Variants in KHDRBS3 observed in about 807,000 individuals in gnomAD.
The protein encoded by KHDRBS3 is KH domain-containing, RNA-binding, signal transduction-associated protein 3.
Under a neutral mutation model 45.6 loss-of-function variants are expected in KHDRBS3, and 23 were observed. The ratio of observed to expected loss-of-function variants is 0.50; its 90% confidence interval spans 0.36 to 0.72. The LOEUF is 0.72. Among genes scored for constraint, KHDRBS3 ranks in the 30% least tolerant of loss-of-function variants. KHDRBS3 has a pLI of 0.00. For synonymous variants in KHDRBS3, 162 were observed against 156.5 expected, an observed-to-expected ratio of 1.04 and a Z score of -0.26; for missense variants, 352 against 424.8, an observed-to-expected ratio of 0.83 and a Z score of 1.51.
chr8:135,464,389 A>G (rs1821591557), intron 1 of KHDRBS3, among the ~76,000 whole-genome samples: 1 of 152,236 alleles, frequency 6.6e-6, no homozygotes, highest in South Asian at 2.1e-4. Flanking sequence ...AATATTCCAT[A>G]TAGAAAGCCA....
intron 7 of KHDRBS3, among the ~76,000 whole-genome samples, chr8:135,617,556 G>C (rs1158079720): frequency 1.3e-5 from 2 of 152,104 alleles, no homozygotes; most frequent in Non-Finnish European, 2.9e-5. Context: ...GGGATTATAG[G>C]CGTGAGCCAC....
intron 7 of KHDRBS3, among the ~76,000 whole-genome samples, chr8:135,619,272 TA>T (rs1467568056): frequency 6.6e-6 from 1 of 152,222 alleles, no homozygotes; most frequent in Non-Finnish European, 1.5e-5. Context: ...GTTTATAAAA[TA>T]GAAGTATTTC....
At chr8:135,627,584 T>G (rs1830427844) in intron 7 of KHDRBS3, among the ~76,000 whole-genome samples, 1 of 152,198 alleles carries the variant, frequency 6.6e-6, no homozygotes, top group Non-Finnish European at 1.5e-5. Context: ...AAATTAGGGA[T>G]TTTTCTTTTA....
intron 1 of KHDRBS3, among the ~76,000 whole-genome samples, chr8:135,470,866 G>A (rs1007364034): frequency 2.6e-5 from 4 of 152,242 alleles, no homozygotes; most frequent in Middle Eastern, 3.4e-3. Context: ...GATTACAGGC[G>A]TGAGCCACCC....
At chr8:135,476,293 A>G (rs112537461) in intron 1 of KHDRBS3, among the ~76,000 whole-genome samples, 19 of 151,804 alleles carry the variant, frequency 1.3e-4, no homozygotes, top group African/African-American at 3.9e-4. Context: ...GCAGGTGCAC[A>G]CCACCACGCC....
intron 7 of KHDRBS3, chr8:135,625,327 C>A: frequency 9.5e-7 from 1 of 1,056,712 alleles, no homozygotes. Flanking sequence ...TGTTCTATAG[C>A]TTTCCGAAGT....
chr8:135,471,827 C>T (rs1043698530), intron 1 of KHDRBS3, among the ~76,000 whole-genome samples: 1 of 152,228 alleles, frequency 6.6e-6, no homozygotes, highest in African/African-American at 2.4e-5. Flanking sequence ...TGTGTGCCAG[C>T]TACTAGTGTA....
chr8:135,525,673 A>G (rs1265075842), intron 2 of KHDRBS3, among the ~76,000 whole-genome samples: 1 of 152,204 alleles, frequency 6.6e-6, no homozygotes, highest in Non-Finnish European at 1.5e-5. Flanking sequence ...ATTACGTTAC[A>G]AACATTTCAT....
At chr8:135,516,598 G>GTGTA (rs1554620992) in intron 1 of KHDRBS3, among the ~76,000 whole-genome samples, 1 of 151,848 alleles carries the variant, frequency 6.6e-6, no homozygotes, top group African/African-American at 2.4e-5. Context: ...GTGTGTGTGT[G>GTGTA]AGTAAACAGT....
intron 1 of KHDRBS3, among the ~76,000 whole-genome samples, chr8:135,482,851 G>A (rs1485534878): frequency 6.6e-6 from 1 of 152,176 alleles, no homozygotes; most frequent in Non-Finnish European, 1.5e-5. Flanking sequence ...ATGAAGGTCA[G>A]TGGCAGTAAA....
At chr8:135,510,067 C>A (rs1324424028) in intron 1 of KHDRBS3, among the ~76,000 whole-genome samples, 1 of 149,596 alleles carries the variant, frequency 6.7e-6, no homozygotes, top group East Asian at 2.0e-4. Flanking sequence ...ACAGCCTTGA[C>A]CTCCTGGGCT....
chr8:135,564,065 A>C (rs994906432), intron 5 of KHDRBS3, among the ~76,000 whole-genome samples: 1 of 152,166 alleles, frequency 6.6e-6, no homozygotes, highest in South Asian at 2.1e-4. Flanking sequence ...GTTTTCATCG[A>C]ATCAGGGAAA....
At chr8:135,595,806 C>G (rs903397949) in intron 6 of KHDRBS3, among the ~76,000 whole-genome samples, 1 of 152,186 alleles carries the variant, frequency 6.6e-6, no homozygotes, top group Non-Finnish European at 1.5e-5. Flanking sequence ...TCACCCTGTG[C>G]CAGGCACTGG....
At chr8:135,516,114 A>G (rs2130619739) in intron 1 of KHDRBS3, among the ~76,000 whole-genome samples, 2 of 152,366 alleles carry the variant, frequency 1.3e-5, no homozygotes, top group Middle Eastern at 6.8e-3. Flanking sequence ...ATGTTACCAT[A>G]CTGAGTACTG....
chr8:135,468,574 C>T (rs111495056), intron 1 of KHDRBS3, among the ~76,000 whole-genome samples: 4 of 152,280 alleles, frequency 2.6e-5, no homozygotes, highest in African/African-American at 9.6e-5. Flanking sequence ...GCCACAGACA[C>T]TATGTAAATG....
At chr8:135,621,056 A>G (rs914237557) in intron 7 of KHDRBS3, among the ~76,000 whole-genome samples, 1 of 150,426 alleles carries the variant, frequency 6.6e-6, no homozygotes, top group Non-Finnish European at 1.5e-5. Flanking sequence ...ATCTTGTACC[A>G]TTGTAAGTCT....
At chr8:135,618,985 A>T (rs375768470) in intron 7 of KHDRBS3, among the ~76,000 whole-genome samples, 1 of 152,176 alleles carries the variant, frequency 6.6e-6, no homozygotes, top group Admixed American at 6.5e-5. Context: ...CAGGTGATAG[A>T]TTGCTTCCAG....
chr8:135,531,511 G>A (rs766966836), intron 2 of KHDRBS3, among the ~76,000 whole-genome samples: 2 of 151,912 alleles, frequency 1.3e-5, no homozygotes, highest in Non-Finnish European at 2.9e-5. Context: ...ATTGAGAAAC[G>A]ATTATATACG....
At chr8:135,469,454 A>AT (rs1393087699) in intron 1 of KHDRBS3, among the ~76,000 whole-genome samples, 1 of 138,890 alleles carries the variant, frequency 7.2e-6, no homozygotes, top group South Asian at 2.3e-4. Context: ...CGCCAGGCTT[A>AT]TTTTTTGTAT....
Sources: gnomAD v4.1 joint callset for allele counts (sites outside exome capture counted in the v4.1 genomes callset) on GRCh38, gnomAD v4.1.1 for gene constraint, MANE v1.5 for transcripts, NCBI Gene and HGNC (gene_info 2026-07-23, HGNC 2026-07-21) for gene names.